The following RHOH variants were observed in gnomAD, a reference collection of about 807,000 sequenced individuals.
The protein encoded by RHOH is ras homolog family member H.
In RHOH, 6 loss-of-function variants were observed where a neutral mutation model predicts 13.8. That is an observed-to-expected ratio of 0.44 (90% CI 0.24 to 0.86). The LOEUF is 0.86. Ranked by LOEUF, RHOH falls within the 40% of genes least tolerant of loss-of-function variation. The probability of loss-of-function intolerance (pLI) is 0.24; values close to 1 mark genes in which losing one functional copy is unlikely to be tolerated. For missense variants in RHOH, 147 were observed against 244.5 expected, an observed-to-expected ratio of 0.60 and a Z score of 2.66; for synonymous variants, 117 against 103.0, an observed-to-expected ratio of 1.14 and a Z score of -0.82.
upstream of RHOH, among the ~76,000 whole-genome samples, chr4:40,194,615 A>G (rs1722935210): frequency 6.6e-6 from 1 of 152,294 alleles, no homozygotes; most frequent in Non-Finnish European, 1.5e-5. Flanking sequence ...GGCTCAAACA[A>G]TTCGCCTGCC....
chr4:40,238,810 A>C (rs1187271739), intron 1 of RHOH, among the ~76,000 whole-genome samples: 1 of 152,174 alleles, frequency 6.6e-6, no homozygotes, highest in East Asian at 1.9e-4. Context: ...CACTCTTGCC[A>C]GTTAGCCACT....
intron 1 of RHOH, among the ~76,000 whole-genome samples, chr4:40,223,518 T>G (rs550898833): frequency 1.4e-5 from 2 of 145,336 alleles, no homozygotes; most frequent in East Asian, 4.0e-4. Context: ...TTGCCCAGGC[T>G]GGAGTGCAGT....
intron 1 of RHOH, among the ~76,000 whole-genome samples, chr4:40,203,113 AG>A (rs1298757257): frequency 6.6e-6 from 1 of 152,108 alleles, no homozygotes; most frequent in African/African-American, 2.4e-5. Context: ...CTGGGAATAC[AG>A]GTGCCCGCCA....
At chr4:40,195,785 C>T (rs1047434720), upstream of RHOH, among the ~76,000 whole-genome samples, 3 of 152,194 alleles carry the variant, frequency 2.0e-5, no homozygotes, top group Admixed American at 2.0e-4. Context: ...ATAATGTGCT[C>T]TTCAGAAGGC....
At position 40,244,686 on chromosome 4, in the gene RHOH, G is replaced by A. The variant is rs1023051538; in HGVS notation, c.*724G>A. 5.4e-6 allele frequency: 1 copy of A among 186,572 alleles called. No individual in the cohort carries two copies. The highest frequency in any genetic ancestry group is 1.2e-5 in the Non-Finnish European group (1 of 85,452). The allele number at this position is 186,572 out of a possible 1,614,324, so 11.6% of individuals were successfully genotyped here. A position where few individuals can be genotyped will look rare whatever the true frequency, so the allele number is the denominator to read the frequency against. On this transcript the variant is annotated 3_prime_UTR_variant, in exon 3 of 3. Coordinates refer to ENST00000381799, the MANE Select transcript of RHOH (RefSeq NM_004310.5). Reference sequence around the variant, plus strand: ...CTATATTGTCTTTCACTCAACTCCAGTTATGCACTAAATATTCTCCTCTCA... The same window carrying A: ...CTATATTGTCTTTCACTCAACTCCAATTATGCACTAAATATTCTCCTCTCA...
rs538409717 is a variant in RHOH at position 40,228,091 on chromosome 4, T to C, written c.-330-14623T>C. Among the ~76,000 whole-genome samples the C allele has an allele frequency of 2.0e-5, 3 of 152,310 alleles. No individual in the cohort carries two copies. In the East Asian group the frequency reaches 5.8e-4, roughly 29 times the overall value. On this transcript the variant is annotated intron_variant, in intron 1 of 2. Transcript: ENST00000381799. Reference sequence around the variant, plus strand: ...ATTAAACTATCCAACAGTAGGCAATTGGTTAAATAAATGATGCTATATTTA... The same window carrying C: ...ATTAAACTATCCAACAGTAGGCAATCGGTTAAATAAATGATGCTATATTTA...
rs1729457246 is a variant in RHOH at position 40,243,146 on chromosome 4, A to C, written c.-209-32A>C. Reference sequence around the variant, plus strand: ...CAAAAAAGGCAAGAAAGAAAGAAAGACTTCATTTTCCCCCTTCTCTTTCTG... The same window carrying C: ...CAAAAAAGGCAAGAAAGAAAGAAAGCCTTCATTTTCCCCCTTCTCTTTCTG... On this transcript the variant is annotated intron_variant, in intron 2 of 2. Coordinates refer to ENST00000381799, the MANE Select transcript of RHOH (RefSeq NM_004310.5). The surrounding 1 kb of genome is among the most constrained non-coding windows in gnomAD (Gnocchi z 6.2). 1 of 425,592 alleles carries C rather than the reference A, an allele frequency of 2.3e-6. No homozygotes were observed. The highest frequency in any genetic ancestry group is 6.4e-5 in the South Asian group (1 of 15,550). 26.4% of individuals were successfully genotyped at this position (425,592 alleles called of 1,614,324 possible).
At chr4:40,228,048 T>TA (rs965033054) in intron 1 of RHOH, among the ~76,000 whole-genome samples, 1 of 152,192 alleles carries the variant, frequency 6.6e-6, no homozygotes, top group Non-Finnish European at 1.5e-5. Flanking sequence ...AATGTTGCTA[T>TA]AGTGAAAATA....
chr4:40,235,703 G>A (rs1371775044), intron 1 of RHOH, among the ~76,000 whole-genome samples: 1 of 151,734 alleles, frequency 6.6e-6, no homozygotes, highest in East Asian at 1.9e-4. Context: ...ACCTAGGGCA[G>A]TAGCTCATGC....
chr4:40,195,397 CCTTCCT>C (rs1723029876), upstream of RHOH, among the ~76,000 whole-genome samples: 1 of 141,400 alleles, frequency 7.1e-6, no homozygotes, highest in African/African-American at 2.7e-5. Context: ...TTCCTTCCTT[CCTTCCT>C]TCCTTCCTTC....
intron 1 of RHOH, among the ~76,000 whole-genome samples, chr4:40,219,102 T>C (rs1223482154): frequency 6.6e-6 from 1 of 152,156 alleles, no homozygotes; most frequent in Non-Finnish European, 1.5e-5. Flanking sequence ...TATAGTATGC[T>C]GTAGTTTGTA....
intron 1 of RHOH, among the ~76,000 whole-genome samples, chr4:40,235,590 C>CAAAAAAAAAAAAAAAAAAAAAAAA (rs34336418): frequency 1.3e-5 from 1 of 74,788 alleles, no homozygotes; most frequent in African/African-American, 5.9e-5. Flanking sequence ...AACTTCATCT[C>CAAAAAAAAAAAAAAAAAAAAAAAA]AAAAAAAAAA....
At chr4:40,215,260 C>T (rs147743553) in intron 1 of RHOH, among the ~76,000 whole-genome samples, 47 of 152,226 alleles carry the variant, frequency 3.1e-4, no homozygotes, top group African/African-American at 9.6e-4. Flanking sequence ...TGAGCACCAC[C>T]GCAATTTCTC....
At chr4:40,209,548 T>A (rs533107165) in intron 1 of RHOH, 1 of 152,070 alleles carries the variant, frequency 6.6e-6, no homozygotes, top group Non-Finnish European at 1.5e-5. Context: ...TGGGGTCAGG[T>A]GATTCTCCCA....
At position 40,245,574 on chromosome 4, in the gene RHOH, A is replaced by G. The variant is rs1037729290; in HGVS notation, c.*1612A>G. 1 of 147,748 alleles carries G rather than the reference A, an allele frequency of 6.8e-6. No individual in the cohort carries two copies. The highest frequency in any genetic ancestry group is 2.5e-5 in the African/African-American group (1 of 40,306). 9.2% of individuals were successfully genotyped at this position (147,748 alleles called of 1,614,324 possible). On this transcript the variant is annotated 3_prime_UTR_variant, in exon 3 of 3. Coordinates refer to ENST00000381799, the MANE Select transcript of RHOH (RefSeq NM_004310.5). ...AAAAGAAAAGAAAAAAAAGAAAGAA[A>G]TTGCAAAGGCTGGCACCTAGATAGA...
intron 1 of RHOH, chr4:40,212,661 C>A (rs1046804498): frequency 2.0e-5 from 3 of 152,188 alleles, no homozygotes; most frequent in Non-Finnish European, 4.4e-5. Context: ...CTTTACCTTT[C>A]AGGGATATTT....
At chr4:40,238,469 C>A (rs1398262350) in intron 1 of RHOH, among the ~76,000 whole-genome samples, 2 of 152,218 alleles carry the variant, frequency 1.3e-5, no homozygotes, top group African/African-American at 4.8e-5. Flanking sequence ...GTCTCTTCCC[C>A]TAATCCCTCA....
chr4:40,238,008 G>GA (rs1359108548), intron 1 of RHOH, among the ~76,000 whole-genome samples: 1 of 152,214 alleles, frequency 6.6e-6, no homozygotes, highest in Non-Finnish European at 1.5e-5. Flanking sequence ...AGTACAAACG[G>GA]AAATTATTTC....
rs150013687 is a variant in RHOH at position 40,204,345 on chromosome 4, C to T, written c.-331+7045C>T. ...TGGAGGCGCAAGTCACAGGGTCTGT[C>T]GGATGTGCAAGGGTCTAACGCCTGA... On this transcript the variant is annotated intron_variant, in intron 1 of 2. Transcript: ENST00000381799. Among the ~76,000 whole-genome samples, 1,074 of 152,306 alleles carry T rather than the reference C, an allele frequency of 7.1e-3. 3 individuals carry two copies. The highest frequency in any genetic ancestry group is 9.2e-3 in the Non-Finnish European group (629 of 68,022).
Sources: gnomAD v4.1 joint callset for allele counts (sites outside exome capture counted in the v4.1 genomes callset) on GRCh38, gnomAD v4.1.1 for gene constraint, Gnocchi (gnomAD v3.1) non-coding constraint, MANE v1.5 for transcripts, NCBI Gene and HGNC (gene_info 2026-07-23, HGNC 2026-07-21) for gene names.